The following NCAPG2 variants were observed in gnomAD, a reference collection of about 807,000 sequenced individuals.
NCAPG2 encodes the protein condensin-2 complex subunit G2.
In NCAPG2, 53 loss-of-function variants were observed where a neutral mutation model predicts 141.1. That is an observed-to-expected ratio of 0.38 (90% CI 0.30 to 0.47). NCAPG2 has a LOEUF of 0.47. NCAPG2 is among the 20% of genes least tolerant of loss of function. The pLI is 0.99. For synonymous variants in NCAPG2, 499 were observed against 490.7 expected (o/e 1.02, Z -0.22); for missense variants, 1,087 against 1,389.0 (o/e 0.78, Z 3.46).
rs1291400720 is a variant in NCAPG2 at position 158,664,628 on chromosome 7, C to T, written c.1602G>A (p.Glu534=). ...NSFLPVNQPE[E]VWCERCVTLV... is the part of the protein sequence containing the mutation. ...GGGTGACACAGCGCTCGCACCAGAC[C>T]TCCTCCGGCTGATTCACAGGCAGGA... is the stretch of plus-strand genomic sequence containing the variant. Residue 534 remains glutamate, a synonymous_variant, in exon 14 of 28, where the codon GAG becomes GAA. Coordinates refer to ENST00000356309, the MANE Select transcript of NCAPG2 (RefSeq NM_017760.7). 6.2e-7 allele frequency: 1 copy of T among 1,614,138 alleles called. No homozygotes were observed. Among genetic ancestry groups the T allele is most frequent in the South Asian group, 1.1e-5 (1 of 91,080 alleles).
chr7:158,661,048 T>C (rs893772624), intron 16 of NCAPG2, among the ~76,000 whole-genome samples: 3 of 152,202 alleles, frequency 2.0e-5, no homozygotes, highest in Non-Finnish European at 4.4e-5. Flanking sequence ...CTTCATAAAT[T>C]ACCCAGTCTC....
intron 12 of NCAPG2, among the ~76,000 whole-genome samples, chr7:158,673,681 G>A (rs1307366500): frequency 6.6e-6 from 1 of 152,224 alleles, no homozygotes; most frequent in East Asian, 1.9e-4. Flanking sequence ...GAAGACGCTT[G>A]TCTGTAAACT....
intron 8 of NCAPG2, among the ~76,000 whole-genome samples, chr7:158,684,885 C>A (rs936429934): frequency 6.6e-6 from 1 of 152,138 alleles, no homozygotes; most frequent in Non-Finnish European, 1.5e-5. Context: ...AGTGATAAAC[C>A]TTGGCAATAC....
At chr7:158,668,328 C>CCTCCTTACCTACCTTGTGTCCCTAGGCT (rs1833407072) in intron 13 of NCAPG2, 2 of 966,318 alleles carry the variant, frequency 2.1e-6, no homozygotes, top group African/African-American at 4.2e-5. Context: ...GTCCCTCCGC[C>CCTCCTTACCTACCTTGTGTCCCTAGGCT]CTCCCTTACC....
chr7:158,701,756 A>G, intron 2 of NCAPG2, 66 bp downstream of exon 2: 1 of 1,363,836 alleles, frequency 7.3e-7, no homozygotes, highest in Non-Finnish European at 1.0e-6. Context: ...TGGGGACATA[A>G]TGACTTTAGA....
intron 24 of NCAPG2, among the ~76,000 whole-genome samples, chr7:158,648,278 C>T (rs916061904): frequency 2.0e-5 from 3 of 151,312 alleles, no homozygotes; most frequent in Non-Finnish European, 4.4e-5. Flanking sequence ...GTTAAACATG[C>T]GTGCTGAGAT....
chr7:158,637,859 C>A (rs1402321280), intron 27 of NCAPG2, among the ~76,000 whole-genome samples: 1 of 152,110 alleles, frequency 6.6e-6, no homozygotes, highest in Non-Finnish European at 1.5e-5. Flanking sequence ...ATCCCTGACA[C>A]TTGGCTGGGC....
At chr7:158,632,783 T>C (rs1829973712) in intron 27 of NCAPG2, among the ~76,000 whole-genome samples, 1 of 152,226 alleles carries the variant, frequency 6.6e-6, no homozygotes, top group African/African-American at 2.4e-5. Flanking sequence ...TTTTATTTTT[T>C]TAAGCAAAAT....
chr7:158,686,264 T>G (rs1834749758), intron 7 of NCAPG2, 23 bp from the exon 8 acceptor site: 1 of 1,337,110 alleles, frequency 7.5e-7, no homozygotes, highest in South Asian at 1.4e-5. Flanking sequence ...ATCAAAATAG[T>G]TTTAATGCAA....
intron 14 of NCAPG2, 99 bp from the exon 15 acceptor site, chr7:158,664,395 AT>A (rs1184889635): frequency 1.3e-6 from 2 of 1,503,282 alleles, no homozygotes; most frequent in African/African-American, 2.8e-5. Flanking sequence ...CAAAAGTACT[AT>A]TTTAAGGGAA....
intron 2 of NCAPG2, among the ~76,000 whole-genome samples, chr7:158,701,165 A>C (rs1299365357): frequency 1.3e-5 from 2 of 152,170 alleles, no homozygotes; most frequent in Non-Finnish European, 2.9e-5. Flanking sequence ...CACCATATCC[A>C]TATCCAATCA....
chr7:158,648,589 AAATGGACGACAACCACG>A (rs1831219227), intron 24 of NCAPG2, among the ~76,000 whole-genome samples: 1 of 111,844 alleles, frequency 8.9e-6, no homozygotes, highest in African/African-American at 3.1e-5. Context: ...CAACCACGCC[AAATGGACGACAACCACG>A]CCAAATGGAC....
chr7:158,650,288 A>C (rs1340800892), intron 24 of NCAPG2, among the ~76,000 whole-genome samples: 1 of 152,110 alleles, frequency 6.6e-6, no homozygotes, highest in African/African-American at 2.4e-5. Context: ...CTCATGATCC[A>C]CCTGCCTCCA....
chr7:158,646,516 A>C lies in NCAPG2; in HGVS notation c.3123T>G (p.Leu1041=), dbSNP rs1831031061. 1 of 1,583,142 alleles carries C rather than the reference A, an allele frequency of 6.3e-7. No individual in the cohort carries two copies. Among genetic ancestry groups the C allele is most frequent in the Non-Finnish European group, 8.5e-7 (1 of 1,172,106 alleles). Residue 1041 remains leucine (L), a synonymous_variant, in exon 25 of 28, where the codon CTT becomes CTG. Coordinates refer to ENST00000356309, the MANE Select transcript of NCAPG2 (RefSeq NM_017760.7). ...CTATTAAACACCTTGAAAATGGTGG[A>C]AGATCAGAAAGATGCTCTGGAGGGG... is the stretch of plus-strand genomic sequence containing the variant. ...ELTPPEHLSD[L]PPFSRCLIGI... is the part of the protein sequence containing the mutation.
chr7:158,704,000 G>T (rs1249973374), intron 1 of NCAPG2, among the ~76,000 whole-genome samples: 1 of 151,764 alleles, frequency 6.6e-6, no homozygotes, highest in African/African-American at 2.4e-5. Context: ...GACAGAGGGG[G>T]TCGCTCTCTG....
intron 2 of NCAPG2, among the ~76,000 whole-genome samples, chr7:158,700,303 G>A (rs978107915): frequency 6.6e-6 from 1 of 152,178 alleles, no homozygotes; most frequent in African/African-American, 2.4e-5. Context: ...GATGTCTGCT[G>A]GCTTTCCAGC....
intron 13 of NCAPG2, 91 bp from the exon 14 acceptor site, chr7:158,664,841 A>C: frequency 1.9e-6 from 2 of 1,049,136 alleles, no homozygotes; most frequent in Non-Finnish European, 2.7e-6. Flanking sequence ...ACAACCAAAA[A>C]AGGAACTAAT....
At chr7:158,696,356 A>G (rs1267787757) in intron 2 of NCAPG2, 1 of 152,244 alleles carries the variant, frequency 6.6e-6, no homozygotes, top group Non-Finnish European at 1.5e-5. Context: ...CCGTCCGTCA[A>G]AGCAGGCACA....
At chr7:158,690,914 T>G (rs963969268) in intron 4 of NCAPG2, among the ~76,000 whole-genome samples, 192 bp from the exon 5 acceptor site, 8 of 152,230 alleles carry the variant, frequency 5.3e-5, no homozygotes, top group Admixed American at 4.6e-4. Flanking sequence ...AAAAAACTGT[T>G]TGACGATTGT....
Sources: allele counts gnomAD v4.1 joint callset (sites outside exome capture counted in the v4.1 genomes callset), GRCh38; gene constraint gnomAD v4.1.1; transcripts MANE v1.5; gene names NCBI Gene and HGNC (gene_info 2026-07-23, HGNC 2026-07-21).